Variants in BLTP1 observed in about 807,000 individuals in gnomAD.
BLTP1 encodes the protein fragile site-associated protein.
the BLTP1 span, chr4:122,345,918 A>G: frequency 3.6e-6 from 2 of 562,600 alleles, no homozygotes; most frequent in East Asian, 2.9e-4. Flanking sequence ...GAATGCCTCA[A>G]ACTTTTAGCT....
At chr4:122,189,486 AATG>A in the BLTP1 span, 22 of 922,486 alleles carry the variant, frequency 2.4e-5, no homozygotes, top group African/African-American at 3.4e-4. Context: ...AGAAGATAAA[AATG>A]ATAACTTTTT....
At chr4:122,305,073 A>G in the BLTP1 span, 1 of 1,300,550 alleles carries the variant, frequency 7.7e-7, no homozygotes, top group African/African-American at 1.5e-5. Context: ...TATTATATTT[A>G]CAAAAATATT....
At chr4:122,336,310 T>C in the BLTP1 span, 1 of 1,612,174 alleles carries the variant, frequency 6.2e-7, no homozygotes. Context: ...TGGAAAAAGC[T>C]CTGGAAACTA....
chr4:122,288,733 CA>C, the BLTP1 span: 1 of 572,852 alleles, frequency 1.7e-6, no homozygotes, highest in Non-Finnish European at 2.2e-6. Flanking sequence ...TCTAAGACCA[CA>C]AAAGTGGCCA....
chr4:122,287,984 A>G, the BLTP1 span, among the ~76,000 whole-genome samples: 292 of 152,296 alleles, frequency 1.9e-3, 2 homozygotes, highest in African/African-American at 6.5e-3. Flanking sequence ...TTAGAAAGGT[A>G]TAAGTTTGTA....
At chr4:122,347,147 C>G in the BLTP1 span, 2 of 984,158 alleles carry the variant, frequency 2.0e-6, no homozygotes, top group Non-Finnish European at 2.4e-6. Flanking sequence ...ACAGAAGATG[C>G]TGGGGACATG....
At chr4:122,227,576 C>T in the BLTP1 span, 10 of 584,220 alleles carry the variant, frequency 1.7e-5, no homozygotes, top group Non-Finnish European at 1.9e-5. Context: ...GTTTTTCTTT[C>T]TAGTTCGTTC....
the BLTP1 span, chr4:122,207,656 C>T: frequency 6.6e-7 from 1 of 1,517,802 alleles, no homozygotes; most frequent in South Asian, 1.1e-5. Flanking sequence ...TAGTTGAATG[C>T]ATTATTTATT....
chr4:122,331,418 G>A, the BLTP1 span: 1 of 1,612,084 alleles, frequency 6.2e-7, no homozygotes, highest in Non-Finnish European at 8.5e-7. Context: ...AGAAGTCTTA[G>A]TGGCACAGCT....
At chr4:122,266,944 C>T in the BLTP1 span, 1 of 1,575,824 alleles carries the variant, frequency 6.3e-7, no homozygotes, top group Non-Finnish European at 8.6e-7. Context: ...AGAGAAAAGG[C>T]AAAAGAGCAA....
At chr4:122,246,667 T>C in the BLTP1 span, 1 of 1,599,562 alleles carries the variant, frequency 6.3e-7, no homozygotes, top group Non-Finnish European at 8.5e-7. Flanking sequence ...GTTCTGAAAT[T>C]TTGTGTGTGT....
the BLTP1 span, chr4:122,356,644 G>T: frequency 6.2e-7 from 1 of 1,613,110 alleles, no homozygotes; most frequent in Non-Finnish European, 8.5e-7. Flanking sequence ...GCCAAAAGTA[G>T]AATGTAGTGT....
chr4:122,315,279 T>C, the BLTP1 span: 1 of 327,830 alleles, frequency 3.1e-6, no homozygotes, highest in Non-Finnish European at 4.4e-6. Context: ...AAATAGGTGC[T>C]ATACAGAGGA....
chr4:122,161,057 A>G, the BLTP1 span: 1 of 634,990 alleles, frequency 1.6e-6, no homozygotes, highest in South Asian at 7.1e-5. Flanking sequence ...CTATGTGCTA[A>G]CAGGTACTTA....
At chr4:122,223,702 G>A in the BLTP1 span, among the ~76,000 whole-genome samples, 1 of 152,154 alleles carries the variant, frequency 6.6e-6, no homozygotes, top group Non-Finnish European at 1.5e-5. Context: ...GCAGAGAGAT[G>A]TAAAAAGTTA....
chr4:122,166,649 G>A, the BLTP1 span, among the ~76,000 whole-genome samples: 3 of 152,246 alleles, frequency 2.0e-5, no homozygotes, highest in South Asian at 2.1e-4. Flanking sequence ...CATTGAATCT[G>A]TAAATTACCT....
the BLTP1 span, chr4:122,224,733 A>G: frequency 6.2e-7 from 1 of 1,612,444 alleles, no homozygotes; most frequent in East Asian, 2.2e-5. Flanking sequence ...TTCTCTACCC[A>G]CCTTCTCAAG....
At chr4:122,301,470 G>C in the BLTP1 span, 2 of 794,596 alleles carry the variant, frequency 2.5e-6, no homozygotes, top group Non-Finnish European at 3.8e-6. Flanking sequence ...TAGAAAATTT[G>C]TATCTTACAT....
chr4:122,187,779 A>G, the BLTP1 span: 6 of 1,194,822 alleles, frequency 5.0e-6, no homozygotes, highest in Non-Finnish European at 5.6e-6. Flanking sequence ...ATAGTCCTAA[A>G]GTGGAATCAT....
Sources: allele counts gnomAD v4.1 joint callset (sites outside exome capture counted in the v4.1 genomes callset), GRCh38; gene constraint gnomAD v4.1.1; transcripts MANE v1.5; gene names NCBI Gene and HGNC (gene_info 2026-07-23, HGNC 2026-07-21).